Variants in GPR149 observed in about 807,000 individuals in gnomAD.
GPR149 encodes the protein probable G protein-coupled receptor 149.
In GPR149, 50 loss-of-function variants were observed where a neutral mutation model predicts 50.2. That is an observed-to-expected ratio of 1.00 (90% CI 0.79 to 1.26). The LOEUF is 1.26. Ranked by LOEUF, GPR149 falls within the 50% of genes most tolerant of loss-of-function variation. The pLI, the probability that GPR149 is intolerant of heterozygous loss-of-function variation, is 0.00. For missense variants in GPR149, 983 were observed against 895.4 expected (o/e 1.10, Z -1.25); for synonymous variants, 405 against 358.2 (o/e 1.13, Z -1.48).
intron 3 of GPR149, among the ~76,000 whole-genome samples, chr3:154,359,207 C>T (rs1714323240): frequency 1.3e-5 from 2 of 151,890 alleles, no homozygotes; most frequent in Admixed American, 1.3e-4. Flanking sequence ...AATATTTATG[C>T]CTTAAAAACA....
At chr3:154,406,720 A>C (rs1292855798) in intron 3 of GPR149, among the ~76,000 whole-genome samples, 1 of 152,240 alleles carries the variant, frequency 6.6e-6, no homozygotes, top group Non-Finnish European at 1.5e-5. Context: ...AAATACAGGA[A>C]CGTTAAACCA....
chr3:154,364,180 C>T (rs1714478572), intron 3 of GPR149, among the ~76,000 whole-genome samples: 1 of 152,196 alleles, frequency 6.6e-6, no homozygotes, highest in African/African-American at 2.4e-5. Context: ...AGTAAAAAAG[C>T]TGCAACAATC....
At chr3:154,340,311 A>C (rs946070227) in intron 3 of GPR149, among the ~76,000 whole-genome samples, 1 of 152,254 alleles carries the variant, frequency 6.6e-6, no homozygotes, top group Non-Finnish European at 1.5e-5. Flanking sequence ...GCCAAGGCAA[A>C]GAACTTCATT....
chr3:154,351,511 T>C (rs796974549), intron 3 of GPR149, among the ~76,000 whole-genome samples: 25 of 152,000 alleles, frequency 1.6e-4, no homozygotes, highest in African/African-American at 6.0e-4. Flanking sequence ...AAAATCATGA[T>C]CCATAAAAGG....
At chr3:154,352,744 C>G in intron 3 of GPR149, 1 of 789,610 alleles carries the variant, frequency 1.3e-6, no homozygotes, top group African/African-American at 1.7e-5. Flanking sequence ...AGTCAGAAAC[C>G]TGATGGTATC....
intron 3 of GPR149, among the ~76,000 whole-genome samples, chr3:154,397,623 T>C (rs1370334057): frequency 2.0e-5 from 3 of 152,188 alleles, no homozygotes; most frequent in African/African-American, 7.2e-5. Flanking sequence ...AAATACTATA[T>C]AATATTGTGT....
rs1713683608 is a variant in GPR149 at position 154,337,579 on chromosome 3, A to G, written c.*120T>C. 1.2e-6 allele frequency: 1 copy of G among 812,186 alleles called. No individual in the cohort carries two copies. Among genetic ancestry groups the G allele is most frequent in the Non-Finnish European group, 1.9e-6 (1 of 527,796 alleles). The allele number at this position is 812,186 out of a possible 1,614,324, so 50.3% of individuals were successfully genotyped here. ...AGTTGTTCCCACAAAAAAATTAACT[A>G]TTAAATCAGTAAAACTAATGTAAGC... On this transcript the variant is annotated 3_prime_UTR_variant, in exon 4 of 4. Coordinates refer to ENST00000389740, the MANE Select transcript of GPR149 (RefSeq NM_001038705.3).
chr3:154,379,482 G>A (rs984596199), intron 3 of GPR149, among the ~76,000 whole-genome samples: 2 of 152,006 alleles, frequency 1.3e-5, no homozygotes, highest in East Asian at 3.9e-4. Flanking sequence ...TTTATGGATT[G>A]TGCTTTTGGT....
intron 3 of GPR149, among the ~76,000 whole-genome samples, chr3:154,401,463 TA>T (rs1711547928): frequency 1.3e-5 from 2 of 152,066 alleles, no homozygotes; most frequent in Admixed American, 1.3e-4. Flanking sequence ...TCACAGAGAG[TA>T]CAGGAAGCAA....
chr3:154,414,874 G>A (rs1711943873), intron 3 of GPR149, among the ~76,000 whole-genome samples: 1 of 151,872 alleles, frequency 6.6e-6, no homozygotes, highest in South Asian at 2.1e-4. Context: ...GAGGTAAGGA[G>A]ACATAAAAAC....
Position 154,428,714 on chromosome 3 carries a change from C to G in GPR149, c.902G>C (p.Ser301Thr), listed in dbSNP as rs202216418. 1 of 1,614,166 alleles carries G rather than the reference C, an allele frequency of 6.2e-7. No homozygotes were observed. Among genetic ancestry groups the G allele is most frequent in the Non-Finnish European group, 8.5e-7 (1 of 1,180,040 alleles). The part of the protein sequence containing the change: ...ENRGTLYGTR[S>T]FTVSVAQKRF... ...CTTCTGCGCTACGCTCACGGTGAAGCTCCTGGTGCCATAGAGAGTCCCCCG... is the reference window on the plus strand; with the variant it reads ...CTTCTGCGCTACGCTCACGGTGAAGGTCCTGGTGCCATAGAGAGTCCCCCG... Residue 301 changes from serine (S) to threonine (T), a missense_variant, in exon 1 of 4, where the codon AGC (serine) becomes ACC (threonine). By Grantham distance (58) the Ser-to-Thr change is moderately conservative. Coordinates refer to ENST00000389740, the MANE Select transcript of GPR149 (RefSeq NM_001038705.3).
intron 3 of GPR149, among the ~76,000 whole-genome samples, chr3:154,340,627 A>G (rs1713768711): frequency 6.6e-6 from 1 of 152,242 alleles, no homozygotes; most frequent in Non-Finnish European, 1.5e-5. Context: ...ACCAAGTTCT[A>G]TAAGGTCCAA....
rs528651792 is a variant in GPR149, at chr3:154,417,466, TA to T, written c.1623+3572del. On this transcript the variant is annotated intron_variant, in intron 3 of 3. Transcript: ENST00000389740. ...GAAAATTGTTAACATAAACTTTAAT[TA>T]AAAAAAAGCATATTGTAGAAATAAA... 2.2e-3 allele frequency among the ~76,000 whole-genome samples: 338 copies of T among 151,730 alleles called. 2 individuals carry two copies. Among genetic ancestry groups the T allele is most frequent in the African/African-American group, 6.4e-3 (264 of 41,428 alleles).
intron 3 of GPR149, among the ~76,000 whole-genome samples, chr3:154,395,986 G>A (rs1715285650): frequency 6.6e-6 from 1 of 152,178 alleles, no homozygotes; most frequent in South Asian, 2.1e-4. Flanking sequence ...TGTGTGTCTA[G>A]TTTTGAACCT....
intron 3 of GPR149, among the ~76,000 whole-genome samples, chr3:154,367,864 A>G (rs536095562): frequency 1.3e-4 from 20 of 152,204 alleles, no homozygotes; most frequent in Non-Finnish European, 2.9e-4. Context: ...GGTGAGTACG[A>G]TTAGACCTCT....
At chr3:154,384,606 C>T (rs930955489) in intron 3 of GPR149, among the ~76,000 whole-genome samples, 1 of 152,134 alleles carries the variant, frequency 6.6e-6, no homozygotes, top group African/African-American at 2.4e-5. Context: ...TATTTAGCTC[C>T]AATCTTCCTG....
At chr3:154,404,545 T>C (rs1359660614) in intron 3 of GPR149, among the ~76,000 whole-genome samples, 1 of 152,222 alleles carries the variant, frequency 6.6e-6, no homozygotes, top group Non-Finnish European at 1.5e-5. Flanking sequence ...CCCTAGGTGA[T>C]ACTAATCTGC....
chr3:154,423,469 T>C (rs1712203156), intron 2 of GPR149, among the ~76,000 whole-genome samples: 1 of 151,888 alleles, frequency 6.6e-6, no homozygotes. Flanking sequence ...CAATGTGCTG[T>C]TTTTAAGTCA....
At chr3:154,403,626 C>G (rs1179390774) in intron 3 of GPR149, among the ~76,000 whole-genome samples, 1 of 152,154 alleles carries the variant, frequency 6.6e-6, no homozygotes, top group East Asian at 1.9e-4. Flanking sequence ...TAGGGATCCT[C>G]CCAGCCTTGG....
Sources: gnomAD v4.1 joint callset for allele counts (sites outside exome capture counted in the v4.1 genomes callset) on GRCh38, gnomAD v4.1.1 for gene constraint, MANE v1.5 for transcripts, NCBI Gene and HGNC (gene_info 2026-07-23, HGNC 2026-07-21) for gene names.